The following SARS1 variants were observed in gnomAD, a reference collection of about 807,000 sequenced individuals.
SARS1 encodes serine--tRNA ligase, cytoplasmic.
A neutral mutation model predicts 63.7 loss-of-function variants in SARS1; 25 were observed. That is an observed-to-expected ratio of 0.39 (90% CI 0.29 to 0.55). The LOEUF (loss-of-function observed/expected upper bound fraction) is 0.55. Among genes scored for constraint, SARS1 ranks in the 20% least tolerant of loss-of-function variants. The pLI, the probability that SARS1 is intolerant of heterozygous loss-of-function variation, is 0.62. For missense variants in SARS1, 417 were observed against 649.7 expected, an observed-to-expected ratio of 0.64 and a Z score of 3.89; for synonymous variants, 231 against 243.5, an observed-to-expected ratio of 0.95 and a Z score of 0.48.
At chr1:109,229,657 C>T (rs1278745242) in intron 4 of SARS1, 85 bp downstream of exon 4, 21 of 1,349,554 alleles carry the variant, frequency 1.6e-5, no homozygotes, top group Non-Finnish European at 2.1e-5. Context: ...CTGTGGAACA[C>T]TGGCATTGTC....
At chr1:109,221,998 ATATATATATATATTTTTTTTTTTTTTT>A (rs1654949087) in intron 1 of SARS1, among the ~76,000 whole-genome samples, 4 of 11,792 alleles carry the variant, frequency 3.4e-4, no homozygotes, top group African/African-American at 9.6e-4. Context: ...ATATATATAT[ATATATATATATATTTTTTTTTTTTTTT>A]TTTTTTTTTT....
chr1:109,218,563 A>G (rs1043785176), intron 1 of SARS1, among the ~76,000 whole-genome samples: 7 of 152,136 alleles, frequency 4.6e-5, no homozygotes, highest in Admixed American at 3.3e-4. Context: ...TAAAGCATAA[A>G]AATCCAAATT....
chr1:109,226,677 A>AAAAAT (rs1178056468), intron 2 of SARS1, among the ~76,000 whole-genome samples: 487 of 44,896 alleles, frequency 0.011, 10 homozygotes, highest in South Asian at 0.033. Flanking sequence ...AAAAAAAAAA[A>AAAAAT]ATATATATAT....
In SARS1 at chr1:109,213,960, G is replaced by T; in HGVS notation, c.-33G>T. On this transcript the variant is annotated 5_prime_UTR_variant, in exon 1 of 11. Coordinates refer to ENST00000234677, the MANE Select transcript of SARS1 (RefSeq NM_006513.4). ...GGCTGAGTGCTGCGGCGCGATCCTT[G>T]CTTCCCTGAGCGTTGGCCCGGGAGG... The T allele has an allele frequency of 6.3e-7, 1 of 1,591,228 alleles. No individual in the cohort carries two copies. Among genetic ancestry groups the T allele is most frequent in the Non-Finnish European group, 8.6e-7 (1 of 1,166,976 alleles).
Position 109,235,341 on chromosome 1 carries a change from G to A in SARS1, c.879G>A (p.Lys293=), listed in dbSNP as rs150872909. The A allele has an allele frequency of 3.8e-5, 62 of 1,614,020 alleles. No individual in the cohort carries two copies. Among genetic ancestry groups the A allele is most frequent in the Middle Eastern group, 3.3e-4 (2 of 6,080 alleles). The change falls in exon 7 of 11, where the codon AAG becomes AAA. Residue 293 remains lysine, a synonymous_variant. Transcript: ENST00000234677. The surrounding 1 kb of genome is among the most constrained non-coding windows in gnomAD (Gnocchi z 4.7). ...EWLRPEDLPI[K]YAGLSTCFRQ... is the part of the protein sequence containing the mutation. ...TCCGGCCGGAGGACCTGCCCATCAAGTATGCTGGCCTGTCTACCTGCTTCC... is the reference window on the plus strand; with the variant it reads ...TCCGGCCGGAGGACCTGCCCATCAAATATGCTGGCCTGTCTACCTGCTTCC...
In SARS1 at chr1:109,237,882, T is replaced by C. The variant is rs762067457; in HGVS notation, c.1539T>C (p.Asp513=). The C allele has an allele frequency of 2.1e-5, 34 of 1,614,054 alleles. No homozygotes were observed. The highest frequency in any genetic ancestry group is 2.9e-5 in the Non-Finnish European group (34 of 1,180,008). ...ENRLQNMEVT[D]A The stretch of plus-strand genomic sequence containing the variant: ...GGCTGCAGAACATGGAGGTCACCGA[T>C]GCTTGAACATTCCTGCCTCCCTATT... Residue 513 remains aspartate, a synonymous_variant, in exon 11 of 11, where the codon GAT becomes GAC. Transcript: ENST00000234677. The surrounding 1 kb of genome is among the most constrained non-coding windows in gnomAD (Gnocchi z 4.1).
At chr1:109,230,022 A>G (rs1655174761) in intron 4 of SARS1, among the ~76,000 whole-genome samples, 1 of 152,102 alleles carries the variant, frequency 6.6e-6, no homozygotes, top group African/African-American at 2.4e-5. Context: ...AGCAGGGCCC[A>G]TCTGTGCCTC....
At chr1:109,215,090 G>A (rs946156493) in intron 1 of SARS1, 1 of 985,294 alleles carries the variant, frequency 1.0e-6, no homozygotes, top group African/African-American at 1.7e-5. Context: ...ATTTCTATTA[G>A]GAAAATTGAT....
chr1:109,236,177 C>G, intron 8 of SARS1, 71 bp downstream of exon 8: 9 of 1,524,972 alleles, frequency 5.9e-6, no homozygotes, highest in Non-Finnish European at 8.0e-6. Context: ...AGCTGAGCTG[C>G]CACACAGAGA....
At position 109,235,995 on chromosome 1, in the gene SARS1, T is replaced by G. The variant is rs1174249099; in HGVS notation, c.988T>G (p.Ser330Ala). 1 of 1,611,868 alleles carries G rather than the reference T, an allele frequency of 6.2e-7. No homozygotes were observed. The highest frequency in any genetic ancestry group is 8.5e-7 in the Non-Finnish European group (1 of 1,178,948). The stretch of plus-strand genomic sequence containing the variant: ...TCTGCAGATTGAACAGTTTGTGTAC[T>G]CATCACCCCATGACAACAAGTCATG... Reference protein sequence around the residue: ...QFEKIEQFVYSSPHDNKSWEM... With the variant: ...QFEKIEQFVYASPHDNKSWEM... Residue 330 changes from serine (S) to alanine (A), a missense_variant, in exon 8 of 11, where the codon TCA (serine) becomes GCA (alanine). By Grantham distance (99) the Ser-to-Ala change is moderately conservative. This residue lies in a region of SARS1 where 359 missense variants were observed against 529.6 expected (regional missense o/e 0.68). Transcript: ENST00000234677. The surrounding 1 kb of genome is among the most constrained non-coding windows in gnomAD (Gnocchi z 4.7).
chr1:109,236,886 T>C (rs1451667558), intron 9 of SARS1: 2 of 1,589,866 alleles, frequency 1.3e-6, no homozygotes, highest in Non-Finnish European at 1.7e-6. Context: ...GGTTGTAAGC[T>C]GCTCTCTTCA....
chr1:109,226,016 A>T (rs1046650433), intron 2 of SARS1, among the ~76,000 whole-genome samples: 1 of 152,092 alleles, frequency 6.6e-6, no homozygotes, highest in South Asian at 2.1e-4. Context: ...TTTCTGAGAC[A>T]AAGCCTCATT....
Position 109,235,523 on chromosome 1 carries a change from TG to T in SARS1, c.969+94del. ...GGATCTGTGTTGCTGAGGCCCATCC[TG>T]GCTCCAGCTTTTCCTCTCATTGCTT... is the stretch of plus-strand genomic sequence containing the variant. On this transcript the variant is annotated intron_variant, in intron 7 of 10. Coordinates refer to ENST00000234677, the MANE Select transcript of SARS1 (RefSeq NM_006513.4). The surrounding 1 kb of genome is among the most constrained non-coding windows in gnomAD (Gnocchi z 4.7). 1 of 1,018,938 alleles carries T rather than the reference TG, an allele frequency of 9.8e-7. No individual in the cohort carries two copies. Among genetic ancestry groups the T allele is most frequent in the Non-Finnish European group, 1.4e-6 (1 of 692,706 alleles). 63.1% of individuals were successfully genotyped at this position (1,018,938 alleles called of 1,614,324 possible). A position where few individuals can be genotyped will look rare whatever the true frequency, so the allele number is the denominator to read the frequency against.
intron 8 of SARS1, 41 bp from the exon 9 acceptor site, chr1:109,236,350 A>G (rs372095973): frequency 6.4e-7 from 1 of 1,560,766 alleles, no homozygotes; most frequent in African/African-American, 1.4e-5. Flanking sequence ...CTTCTGAAAT[A>G]CCATCCCTCC....
In SARS1 at chr1:109,230,815, A is replaced by T. The variant is rs989184590; in HGVS notation, c.448-63A>T. On this transcript the variant is annotated intron_variant, in intron 4 of 10. Coordinates refer to ENST00000234677, the MANE Select transcript of SARS1 (RefSeq NM_006513.4). ...GTAAGACCCTGTCTCCAAAAAAAAA[A>T]AATAATTTAAAAATAATAAAATCAT... 1.1e-4 allele frequency: 166 copies of T among 1,478,278 alleles called. 2 individuals carry two copies. The South Asian group carries it at 1.7e-3, about 15-fold the overall frequency. The allele number at this position is 1,478,278 out of a possible 1,614,324, so 91.6% of individuals were successfully genotyped here.
In SARS1 at chr1:109,214,972, T is replaced by G; in HGVS notation, c.136+844T>G. ...GTGGTCGCTGGTTGGGCGGATGCTG[T>G]CAAGTACTTGTGATTTGATTTGTCT... On this transcript the variant is annotated intron_variant, in intron 1 of 10. Transcript: ENST00000234677. The surrounding 1 kb of genome is among the most constrained non-coding windows in gnomAD (Gnocchi z 4.6). 1.0e-6 allele frequency: 1 copy of G among 985,454 alleles called. No individual in the cohort carries two copies. Among genetic ancestry groups the G allele is most frequent in the Non-Finnish European group, 1.2e-6 (1 of 829,950 alleles). 61.0% of individuals were successfully genotyped at this position (985,454 alleles called of 1,614,324 possible).
chr1:109,224,657 A>T (rs372067682), intron 2 of SARS1, among the ~76,000 whole-genome samples: 1 of 152,162 alleles, frequency 6.6e-6, no homozygotes, highest in Non-Finnish European at 1.5e-5. Context: ...ATGGCAAGTA[A>T]TGTTACTGGC....
chr1:109,218,959 A>G (rs1654857293), intron 1 of SARS1, among the ~76,000 whole-genome samples: 1 of 152,010 alleles, frequency 6.6e-6, no homozygotes, highest in Non-Finnish European at 1.5e-5. Context: ...CCAATGTAAC[A>G]CTTAGATCAA....
chr1:109,216,429 G>T, intron 1 of SARS1: 1 of 985,286 alleles, frequency 1.0e-6, no homozygotes, highest in Non-Finnish European at 1.2e-6. Context: ...CCAGGGATTT[G>T]AATGTGATTT....
Sources: allele counts gnomAD v4.1 joint callset (sites outside exome capture counted in the v4.1 genomes callset), GRCh38; gene constraint gnomAD v4.1.1; regional missense constraint gnomAD v4.1.1; non-coding constraint Gnocchi (gnomAD v3.1); transcripts MANE v1.5; gene names NCBI Gene and HGNC (gene_info 2026-07-23, HGNC 2026-07-21).